PTGIS: variants seen among roughly 807,000 people sequenced by gnomAD.
PTGIS encodes the protein prostaglandin I2 synthase.
PTGIS carries 45 observed loss-of-function variants against 50.3 expected under a neutral mutation model. The observed-to-expected ratio is 0.90, with a 90% CI of 0.70 to 1.15. PTGIS has a LOEUF of 1.15. Among genes scored for constraint, PTGIS ranks in the 50% most tolerant of loss-of-function variants. The pLI is 0.00. For synonymous variants in PTGIS, 260 were observed against 267.7 expected, an observed-to-expected ratio of 0.97 and a Z score of 0.28; for missense variants, 668 against 661.3, an observed-to-expected ratio of 1.01 and a Z score of -0.11.
chr20:49,520,480 T>C, intron 6 of PTGIS, among the ~76,000 whole-genome samples: 1 of 151,890 alleles, frequency 6.6e-6, no homozygotes, highest in Non-Finnish European at 1.5e-5. Flanking sequence ...ATTACGGGCC[T>C]GTGCGACCAT....
chr20:49,567,346 C>T (rs1035738736), intron 1 of PTGIS, among the ~76,000 whole-genome samples: 1 of 152,144 alleles, frequency 6.6e-6, no homozygotes, highest in African/African-American at 2.4e-5. Flanking sequence ...GACATCTGAC[C>T]CTGGCTCCGT....
intron 1 of PTGIS, among the ~76,000 whole-genome samples, chr20:49,551,806 TTGTGTGTGTGTG>T (rs58517059): frequency 0.04 from 5,679 of 142,634 alleles, 244 homozygotes; most frequent in African/African-American, 0.11. Context: ...GTGTATGTGT[TTGTGTGTGTGTG>T]TGTGTGTGTG....
At chr20:49,561,009 C>G (rs993298327) in intron 1 of PTGIS, among the ~76,000 whole-genome samples, 1 of 152,122 alleles carries the variant, frequency 6.6e-6, no homozygotes, top group Admixed American at 6.5e-5. Flanking sequence ...CGTGACCCCC[C>G]CAGGAGAGCA....
At chr20:49,562,480 T>A (rs750093422) in intron 1 of PTGIS, among the ~76,000 whole-genome samples, 12 of 152,128 alleles carry the variant, frequency 7.9e-5, no homozygotes, top group Non-Finnish European at 1.5e-4. Context: ...ACTCAGGCCG[T>A]GGTCACATTC....
At chr20:49,534,777 A>T (rs545536329) in intron 5 of PTGIS, among the ~76,000 whole-genome samples, 2 of 152,326 alleles carry the variant, frequency 1.3e-5, no homozygotes, top group East Asian at 3.9e-4. Context: ...AGTTCCTCTA[A>T]AAAGATAATA....
intron 5 of PTGIS, among the ~76,000 whole-genome samples, chr20:49,526,803 C>T (rs966747869): frequency 6.6e-6 from 1 of 152,156 alleles, no homozygotes; most frequent in Non-Finnish European, 1.5e-5. Flanking sequence ...ATGAGGATGG[C>T]TACTATTTAA....
intron 6 of PTGIS, among the ~76,000 whole-genome samples, chr20:49,522,922 G>C (rs1981689503): frequency 6.6e-6 from 1 of 152,134 alleles, no homozygotes; most frequent in African/African-American, 2.4e-5. Context: ...TATTCAGGAG[G>C]CTGAGGCAGG....
At chr20:49,542,060 C>T (rs1982245253) in intron 4 of PTGIS, among the ~76,000 whole-genome samples, 1 of 152,186 alleles carries the variant, frequency 6.6e-6, no homozygotes, top group African/African-American at 2.4e-5. Flanking sequence ...TGGGGAACAG[C>T]ATTCCCAGGC....
At chr20:49,525,455 T>C (rs1241580482) in intron 5 of PTGIS, among the ~76,000 whole-genome samples, 1 of 152,184 alleles carries the variant, frequency 6.6e-6, no homozygotes, top group Non-Finnish European at 1.5e-5. Context: ...TCTGGAAACA[T>C]ACAGCAGTGA....
At chr20:49,546,534 A>C (rs1982365037) in intron 3 of PTGIS, among the ~76,000 whole-genome samples, 1 of 152,238 alleles carries the variant, frequency 6.6e-6, no homozygotes, top group Non-Finnish European at 1.5e-5. Flanking sequence ...AGATCACTGA[A>C]GATCGCCATT....
intron 6 of PTGIS, among the ~76,000 whole-genome samples, chr20:49,516,369 C>G (rs1489203931): frequency 6.6e-6 from 1 of 152,160 alleles, no homozygotes; most frequent in East Asian, 1.9e-4. Context: ...CCTCCACCTC[C>G]TGGGCTCAAG....
At chr20:49,510,332 A>C (rs975476101) in intron 9 of PTGIS, among the ~76,000 whole-genome samples, 1 of 152,192 alleles carries the variant, frequency 6.6e-6, no homozygotes, top group Non-Finnish European at 1.5e-5. Flanking sequence ...ATGCACAATA[A>C]TGATATTAAC....
intron 2 of PTGIS, 92 bp from the exon 3 acceptor site, chr20:49,548,111 C>T (rs1982412815): frequency 1.7e-6 from 2 of 1,163,084 alleles, no homozygotes; most frequent in South Asian, 1.3e-5. Context: ...CCAGGCACTG[C>T]CCCACTGGAC....
At chr20:49,516,222 G>A (rs1032080975) in intron 6 of PTGIS, among the ~76,000 whole-genome samples, 4 of 152,128 alleles carry the variant, frequency 2.6e-5, no homozygotes, top group Non-Finnish European at 4.4e-5. Flanking sequence ...AAGACAAGAG[G>A]ATAAGGAGGA....
chr20:49,510,854 G>T (rs1482666438), intron 9 of PTGIS, among the ~76,000 whole-genome samples, 174 bp downstream of exon 9: 2 of 152,190 alleles, frequency 1.3e-5, no homozygotes, highest in Admixed American at 1.3e-4. Flanking sequence ...GAGCTCTTCT[G>T]ATTTATAAAA....
intron 1 of PTGIS, among the ~76,000 whole-genome samples, chr20:49,550,724 G>C (rs1982485513): frequency 6.6e-6 from 1 of 152,152 alleles, no homozygotes; most frequent in Non-Finnish European, 1.5e-5. Flanking sequence ...ATCTAAGAGA[G>C]CTACAATTTG....
At chr20:49,519,636 G>A (rs1486032924) in intron 6 of PTGIS, among the ~76,000 whole-genome samples, 2 of 151,816 alleles carry the variant, frequency 1.3e-5, no homozygotes, top group South Asian at 4.2e-4. Context: ...CCTCAAACTT[G>A]AACTCCAGAC....
At chr20:49,538,256 G>GAAAA (rs58986753) in intron 5 of PTGIS, among the ~76,000 whole-genome samples, 6 of 30,288 alleles carry the variant, frequency 2.0e-4, no homozygotes, top group African/African-American at 3.3e-4. Flanking sequence ...CCCTGGTTCA[G>GAAAA]AAAAAAAAAA....
chr20:49,558,758 G>T (rs1003896533), intron 1 of PTGIS, among the ~76,000 whole-genome samples: 2 of 150,758 alleles, frequency 1.3e-5, no homozygotes, highest in African/African-American at 4.9e-5. Flanking sequence ...TTATTGCCCA[G>T]GCTGGAGTGC....
Sources: allele counts gnomAD v4.1 joint callset (sites outside exome capture counted in the v4.1 genomes callset), GRCh38; gene constraint gnomAD v4.1.1; transcripts MANE v1.5; gene names NCBI Gene and HGNC (gene_info 2026-07-23, HGNC 2026-07-21).